MACROD1: variants seen among roughly 807,000 people sequenced by gnomAD.
MACROD1 encodes mono-ADP ribosylhydrolase 1.
A neutral mutation model predicts 41.4 loss-of-function variants in MACROD1; 31 were observed. The ratio of observed to expected loss-of-function variants is 0.75; its 90% confidence interval spans 0.56 to 1.01. MACROD1 has a LOEUF of 1.01. Among genes scored for constraint, MACROD1 ranks in the 50% least tolerant of loss-of-function variants. The pLI is 0.00. For synonymous variants in MACROD1, 252 were observed against 203.4 expected, an observed-to-expected ratio of 1.24 and a Z score of -2.03; for missense variants, 473 against 460.0, an observed-to-expected ratio of 1.03 and a Z score of -0.26.
intron 3 of MACROD1, among the ~76,000 whole-genome samples, chr11:64,106,867 CTTTCT>C (rs1320073624): frequency 6.6e-6 from 1 of 152,110 alleles, no homozygotes; most frequent in Non-Finnish European, 1.5e-5. Flanking sequence ...TTCCACTGGG[CTTTCT>C]TTTATTTATT....
chr11:64,112,257 T>C (rs892672127), intron 3 of MACROD1, among the ~76,000 whole-genome samples: 4 of 152,186 alleles, frequency 2.6e-5, no homozygotes, highest in Non-Finnish European at 5.9e-5. Flanking sequence ...GGCTCACCTG[T>C]AATCCCAGTA....
chr11:64,049,903 C>A (rs939393457), intron 3 of MACROD1, among the ~76,000 whole-genome samples: 5 of 152,238 alleles, frequency 3.3e-5, no homozygotes, highest in African/African-American at 1.2e-4. Context: ...GTGTCCCAGA[C>A]CAAGACGCTG....
rs1425971895 is a variant in MACROD1 at position 64,064,438 on chromosome 11, G to T, written c.518-49157C>A. Among the ~76,000 whole-genome samples the T allele has an allele frequency of 6.6e-6, 1 of 152,162 alleles. No individual in the cohort carries two copies. ...GGACTCCAGCTCCTCTGGGCACTGG[G>T]CAGGCAATCTCTGTTTTCTCTTGGC... On this transcript the variant is annotated intron_variant, in intron 3 of 10. Transcript: ENST00000255681. This position sits in a 1 kb window ranked among gnomAD's most constrained non-coding sequence, Gnocchi z 4.5.
chr11:64,036,163 G>C lies in MACROD1; in HGVS notation c.518-20882C>G, dbSNP rs1943375994. The C allele has an allele frequency of 6.6e-6, 1 of 152,158 alleles. No homozygotes were observed. The highest frequency in any genetic ancestry group is 1.9e-4 in the East Asian group (1 of 5,178). 9.4% of individuals were successfully genotyped at this position (152,158 alleles called of 1,614,324 possible). A position where few individuals can be genotyped will look rare whatever the true frequency, so the allele number is the denominator to read the frequency against. Reference sequence around the variant, plus strand: ...CGCCTCCCCGGCCGCTGCGCAGGTAGGGCTGGCTGCACCGGGCGGGGGTCG... The same window carrying C: ...CGCCTCCCCGGCCGCTGCGCAGGTACGGCTGGCTGCACCGGGCGGGGGTCG... On this transcript the variant is annotated intron_variant, in intron 3 of 10. Transcript: ENST00000255681. This position sits in a 1 kb window ranked among gnomAD's most constrained non-coding sequence, Gnocchi z 5.6.
At chr11:64,086,600 A>C (rs1944399409) in intron 3 of MACROD1, among the ~76,000 whole-genome samples, 1 of 152,064 alleles carries the variant, frequency 6.6e-6, no homozygotes, top group Non-Finnish European at 1.5e-5. Flanking sequence ...CGGTTCTGCG[A>C]CTGGGGTGCT....
chr11:64,026,180 C>T (rs903025447), intron 3 of MACROD1, among the ~76,000 whole-genome samples: 1 of 152,040 alleles, frequency 6.6e-6, no homozygotes, highest in Non-Finnish European at 1.5e-5. Flanking sequence ...AGACTTATCT[C>T]GGGAAAACAA....
chr11:64,078,693 A>G (rs1944248666), intron 3 of MACROD1, among the ~76,000 whole-genome samples: 1 of 152,068 alleles, frequency 6.6e-6, no homozygotes, highest in South Asian at 2.1e-4. Context: ...GAGGTGCCCC[A>G]GCAGCAAAGG....
intron 1 of MACROD1, among the ~76,000 whole-genome samples, chr11:64,156,018 G>T (rs1308758456): frequency 6.7e-6 from 1 of 149,230 alleles, no homozygotes; most frequent in Non-Finnish European, 1.5e-5. Context: ...TGAGGCAGGA[G>T]AATCGCTTGA....
At chr11:64,022,842 GCATC>G (rs1268742339) in intron 3 of MACROD1, among the ~76,000 whole-genome samples, 1 of 149,620 alleles carries the variant, frequency 6.7e-6, no homozygotes, top group East Asian at 1.9e-4. Flanking sequence ...GGCACCAAGT[GCATC>G]CCCAGCAAGC....
At chr11:64,121,675 G>C (rs1945099902) in intron 3 of MACROD1, among the ~76,000 whole-genome samples, 2 of 152,328 alleles carry the variant, frequency 1.3e-5, no homozygotes, top group Admixed American at 1.3e-4. Context: ...GAGGACACAA[G>C]GCCTGGGATG....
At chr11:64,078,035 C>T (rs1247279093) in intron 3 of MACROD1, among the ~76,000 whole-genome samples, 2 of 152,226 alleles carry the variant, frequency 1.3e-5, no homozygotes, top group Non-Finnish European at 2.9e-5. Flanking sequence ...GCCCAGGCAT[C>T]GGGCACAGGG....
chr11:64,106,187 A>G lies in MACROD1; in HGVS notation c.517+45052T>C, dbSNP rs537518907. Among the ~76,000 whole-genome samples, 374 of 152,244 alleles carry G rather than the reference A, an allele frequency of 2.5e-3. 4 individuals carry two copies. Among genetic ancestry groups the G allele is most frequent in the African/African-American group, 8.7e-3 (361 of 41,550 alleles). On this transcript the variant is annotated intron_variant, in intron 3 of 10. Transcript: ENST00000255681. ...GGGAAGGGGAGAGCTCCAGACATCG[A>G]GTCTGAGGCCTGGGTTTGTGGCCAC...
chr11:64,084,355 C>T (rs995661443), intron 3 of MACROD1, among the ~76,000 whole-genome samples: 1 of 152,170 alleles, frequency 6.6e-6, no homozygotes, highest in African/African-American at 2.4e-5. Context: ...GCCCCTGCCA[C>T]GTGCTCTGCC....
At chr11:64,004,286 G>A (rs1335727163) in intron 4 of MACROD1, among the ~76,000 whole-genome samples, 1 of 152,218 alleles carries the variant, frequency 6.6e-6, no homozygotes, top group East Asian at 1.9e-4. Flanking sequence ...ACCAGGAGTG[G>A]GCAGTCCTCA....
chr11:64,004,290 G>A (rs1942873676), intron 4 of MACROD1, among the ~76,000 whole-genome samples: 1 of 152,252 alleles, frequency 6.6e-6, no homozygotes, highest in Non-Finnish European at 1.5e-5. Context: ...GGAGTGGGCA[G>A]TCCTCAGAGC....
intron 4 of MACROD1, among the ~76,000 whole-genome samples, chr11:64,009,647 G>A (rs947623461): frequency 2.0e-5 from 3 of 152,168 alleles, no homozygotes; most frequent in Non-Finnish European, 2.9e-5. Flanking sequence ...TTCGGCCCCA[G>A]GGTGTGGTGG....
At chr11:64,057,011 T>C (rs1426814084) in intron 3 of MACROD1, among the ~76,000 whole-genome samples, 1 of 152,122 alleles carries the variant, frequency 6.6e-6, no homozygotes, top group Non-Finnish European at 1.5e-5. Context: ...TGCGCCCGTG[T>C]CACCCCCCTA....
At chr11:64,111,421 C>G (rs1458617906) in intron 3 of MACROD1, among the ~76,000 whole-genome samples, 1 of 152,230 alleles carries the variant, frequency 6.6e-6, no homozygotes. Flanking sequence ...CTTCCTGTCT[C>G]TAGCATTGCC....
intron 3 of MACROD1, among the ~76,000 whole-genome samples, chr11:64,028,457 T>TGGAGGGAGGTGGGAGGCAGGA (rs1173723803): frequency 1.3e-5 from 2 of 151,930 alleles, no homozygotes; most frequent in Non-Finnish European, 2.9e-5. Context: ...GGGAAAACGG[T>TGGAGGGAGGTGGGAGGCAGGA]GGAGGGAGGT....
Sources: gnomAD v4.1 joint callset for allele counts (sites outside exome capture counted in the v4.1 genomes callset) on GRCh38, gnomAD v4.1.1 for gene constraint, Gnocchi (gnomAD v3.1) non-coding constraint, MANE v1.5 for transcripts, NCBI Gene and HGNC (gene_info 2026-07-23, HGNC 2026-07-21) for gene names.